The following ERI1 variants were observed in gnomAD, a reference collection of about 807,000 sequenced individuals.
ERI1 encodes 3'-5' exoribonuclease 1.
A neutral mutation model predicts 39.7 loss-of-function variants in ERI1; 39 were observed. The ratio of observed to expected loss-of-function variants is 0.98; its 90% CI spans 0.76 to 1.28. The LOEUF is 1.28. Among genes scored for constraint, ERI1 ranks in the 50% most tolerant of loss-of-function variants. ERI1 has a pLI of 0.00. For missense variants in ERI1, 581 were observed against 416.9 expected (o/e 1.39, Z -3.43); for synonymous variants, 204 against 149.6 (o/e 1.36, Z -2.65).
chr8:9,033,699 C>T (rs1053844356), downstream of ERI1, among the ~76,000 whole-genome samples: 4 of 152,166 alleles, frequency 2.6e-5, no homozygotes, highest in Non-Finnish European at 5.9e-5. Flanking sequence ...AGGTCCAGAG[C>T]GGTTAAGTTG....
At chr8:9,067,381 CATGTGTGTGTGTGT>C (rs905343969) in intron 3 of ERI1, among the ~76,000 whole-genome samples, 10 of 69,000 alleles carry the variant, frequency 1.4e-4, no homozygotes, top group African/African-American at 5.5e-4. Flanking sequence ...AACCTGTGTG[CATGTGTGTGTGTGT>C]GTGTGTGTGT....
At chr8:9,044,475 G>T (rs1293830538) in intron 3 of ERI1, among the ~76,000 whole-genome samples, 4 of 152,034 alleles carry the variant, frequency 2.6e-5, no homozygotes. Flanking sequence ...CCCCATACAG[G>T]TAGGTCTAGT....
At chr8:9,008,296 T>C in intron 2 of ERI1, 148 bp downstream of exon 2, 1 of 711,318 alleles carries the variant, frequency 1.4e-6, no homozygotes, top group Admixed American at 3.6e-5. Flanking sequence ...TAACATTTTT[T>C]ATGTGCAACT....
chr8:9,054,611 G>C (rs1798450848), intron 3 of ERI1, among the ~76,000 whole-genome samples: 1 of 152,234 alleles, frequency 6.6e-6, no homozygotes, highest in Non-Finnish European at 1.5e-5. Flanking sequence ...TAGGTTCAAG[G>C]AAGCAGGGAC....
At chr8:9,080,994 T>C (rs1799349628) in intron 3 of ERI1, among the ~76,000 whole-genome samples, 1 of 152,256 alleles carries the variant, frequency 6.6e-6, no homozygotes. Context: ...AAAAAAGGTT[T>C]AATTGACTCA....
intron 3 of ERI1, among the ~76,000 whole-genome samples, chr8:9,073,521 G>C (rs1799120192): frequency 6.6e-6 from 1 of 152,188 alleles, no homozygotes. Context: ...ATTTTGGTGA[G>C]TTTTCCAGTT....
intron 1 of ERI1, chr8:9,004,289 C>A (rs1815718961): frequency 8.7e-7 from 1 of 1,155,440 alleles, no homozygotes; most frequent in Non-Finnish European, 1.1e-6. Context: ...CGTTGTCAAT[C>A]TCATCCTGTA....
chr8:9,024,915 T>G (rs908062338), intron 6 of ERI1, among the ~76,000 whole-genome samples: 1 of 149,822 alleles, frequency 6.7e-6, no homozygotes, highest in Non-Finnish European at 1.5e-5. Context: ...ATTAGACAAT[T>G]TCTGCCTTTG....
At chr8:9,003,280 C>T (rs889867820) in intron 1 of ERI1, 109 bp downstream of exon 1, 11 of 620,054 alleles carry the variant, frequency 1.8e-5, no homozygotes, top group Non-Finnish European at 2.6e-5. Context: ...GCTGTGCGCC[C>T]TTGGACCCCA....
At chr8:9,082,388 GC>G (rs1799398500) in intron 3 of ERI1, among the ~76,000 whole-genome samples, 1 of 152,152 alleles carries the variant, frequency 6.6e-6, no homozygotes. Context: ...AGACAGAAGG[GC>G]TTCTCTGCCA....
At chr8:9,054,697 G>A (rs1302299427) in intron 3 of ERI1, among the ~76,000 whole-genome samples, 7 of 152,240 alleles carry the variant, frequency 4.6e-5, no homozygotes, top group Non-Finnish European at 8.8e-5. Flanking sequence ...GGCCAAGGGG[G>A]GCAGATCACT....
At chr8:9,005,741 G>A (rs956429910) in intron 1 of ERI1, among the ~76,000 whole-genome samples, 1 of 151,898 alleles carries the variant, frequency 6.6e-6, no homozygotes, top group African/African-American at 2.4e-5. Context: ...TTATCCGCCC[G>A]CCTCGGCCTC....
Position 9,020,539 on chromosome 8 carries a change from T to C in ERI1, c.807+75T>C, listed in dbSNP as rs1817772709. On this transcript the variant is annotated intron_variant, in intron 6 of 6. Transcript: ENST00000250263. ...TAAAATTTGCATGTACGTTAGATTGTAATTTTCCAGGTGTTTTTCATGGAA... is the reference window on the plus strand; with the variant it reads ...TAAAATTTGCATGTACGTTAGATTGCAATTTTCCAGGTGTTTTTCATGGAA... The C allele has an allele frequency of 9.9e-6, 9 of 907,604 alleles. No individual in the cohort carries two copies. The East Asian group carries it at 2.3e-4, about 23-fold the overall frequency. The allele number at this position is 907,604 out of a possible 1,614,324, so 56.2% of individuals were successfully genotyped here. A position where few individuals can be genotyped will look rare whatever the true frequency, so the allele number is the denominator to read the frequency against.
intron 1 of ERI1, among the ~76,000 whole-genome samples, chr8:9,003,864 C>T (rs1815651519): frequency 6.6e-6 from 1 of 152,190 alleles, no homozygotes; most frequent in Admixed American, 6.5e-5. Context: ...CTTCGTAAAG[C>T]TTCATAAAGT....
At chr8:9,049,742 C>G (rs1798298142) in intron 3 of ERI1, 1 of 152,062 alleles carries the variant, frequency 6.6e-6, no homozygotes, top group Non-Finnish European at 1.5e-5. Context: ...CCTGTGCCTC[C>G]CACAACCCCC....
intron 3 of ERI1, among the ~76,000 whole-genome samples, chr8:9,086,279 G>T (rs1278495359): frequency 1.3e-5 from 2 of 152,184 alleles, no homozygotes; most frequent in Non-Finnish European, 2.9e-5. Flanking sequence ...GCTGGGCATG[G>T]TGGCCTGCAC....
chr8:9,097,663 T>C (rs2117496540), intron 3 of ERI1, among the ~76,000 whole-genome samples: 1 of 120,874 alleles, frequency 8.3e-6, no homozygotes, highest in East Asian at 2.1e-4. Flanking sequence ...AATGACACTC[T>C]GTCAAAAAAA....
chr8:9,010,199 T>G (rs907129711), intron 2 of ERI1, among the ~76,000 whole-genome samples: 1 of 152,226 alleles, frequency 6.6e-6, no homozygotes, highest in African/African-American at 2.4e-5. Context: ...ATGTTAAAGA[T>G]AGCAGGTTTC....
chr8:9,065,172 T>G (rs1454323073), intron 3 of ERI1, among the ~76,000 whole-genome samples: 1 of 152,194 alleles, frequency 6.6e-6, no homozygotes, highest in African/African-American at 2.4e-5. Flanking sequence ...TATGATGGCT[T>G]AGCTTGGGCT....
Sources: gnomAD v4.1 joint callset for allele counts (sites outside exome capture counted in the v4.1 genomes callset) on GRCh38, gnomAD v4.1.1 for gene constraint, MANE v1.5 for transcripts, NCBI Gene and HGNC (gene_info 2026-07-23, HGNC 2026-07-21) for gene names.